SWT1: variants seen among roughly 807,000 people sequenced by gnomAD.
The protein encoded by SWT1 is SWT1 RNA endoribonuclease homolog.
In SWT1, 33 loss-of-function variants were observed where a neutral mutation model predicts 107.3. The observed-to-expected ratio is 0.31, with a 90% CI of 0.23 to 0.41. The LOEUF (loss-of-function observed/expected upper bound fraction) is 0.41, where lower values mean the gene tolerates loss of function less well. SWT1 is among the 10% of genes least tolerant of loss of function. The pLI, the probability that SWT1 is intolerant of heterozygous loss-of-function variation, is 1.00. For synonymous variants in SWT1, 345 were observed against 348.3 expected (o/e 0.99, Z 0.11); for missense variants, 898 against 1,028.9 (o/e 0.87, Z 1.74).
At chr1:185,182,668 C>CAAAAAAAAAAAAAAAAAAAA (rs59326029) in intron 7 of SWT1, among the ~76,000 whole-genome samples, 1 of 67,022 alleles carries the variant, frequency 1.5e-5, no homozygotes, top group Non-Finnish European at 2.8e-5. Flanking sequence ...CTCTCTCTCT[C>CAAAAAAAAAAAAAAAAAAAA]AAAAAAAAAA....
chr1:185,241,328 C>G (rs1661242194), intron 16 of SWT1, among the ~76,000 whole-genome samples: 1 of 152,084 alleles, frequency 6.6e-6, no homozygotes, highest in Non-Finnish European at 1.5e-5. Context: ...GACCTACTTT[C>G]TTTGAGGCTT....
At chr1:185,251,410 A>C (rs1274228933) in intron 16 of SWT1, 1 of 152,472 alleles carries the variant, frequency 6.6e-6, no homozygotes, top group Non-Finnish European at 1.5e-5. Context: ...CTTTAGCCTA[A>C]AGAAAAAAAT....
intron 16 of SWT1, among the ~76,000 whole-genome samples, chr1:185,261,359 A>G (rs1050821770): frequency 7.2e-5 from 11 of 152,110 alleles, no homozygotes; most frequent in Non-Finnish European, 1.3e-4. Context: ...AAAGCATAAT[A>G]TATTCCATTA....
rs1654509648 is a variant in SWT1 at position 185,165,683 on chromosome 1, C to T, written c.85-889C>T. Among the ~76,000 whole-genome samples the T allele has an allele frequency of 2.6e-5, 4 of 152,310 alleles. No individual in the cohort carries two copies. The South Asian group carries it at 8.3e-4, about 32-fold the overall frequency. Reference sequence around the variant, plus strand: ...TTCATCCAGAATAAAAGCCAAAATCCTTACCAGGGTTGACAAAGCCACCTC... The same window carrying T: ...TTCATCCAGAATAAAAGCCAAAATCTTTACCAGGGTTGACAAAGCCACCTC... On this transcript the variant is annotated intron_variant, in intron 2 of 18. Coordinates refer to ENST00000367500, the MANE Select transcript of SWT1 (RefSeq NM_017673.7).
intron 10 of SWT1, among the ~76,000 whole-genome samples, chr1:185,202,074 C>A (rs908592470): frequency 6.6e-6 from 1 of 152,148 alleles, no homozygotes; most frequent in African/African-American, 2.4e-5. Flanking sequence ...CAGATACGAT[C>A]ATGTCATTTT....
chr1:185,195,598 A>G (rs866384566), intron 10 of SWT1, among the ~76,000 whole-genome samples: 195 of 152,236 alleles, frequency 1.3e-3, no homozygotes, highest in African/African-American at 4.4e-3. Context: ...TGGTGAACTA[A>G]TTTACACTCC....
intron 7 of SWT1, among the ~76,000 whole-genome samples, chr1:185,182,668 C>CAAAAA (rs59326029): frequency 1.9e-4 from 13 of 67,016 alleles, no homozygotes; most frequent in African/African-American, 2.2e-4. Flanking sequence ...CTCTCTCTCT[C>CAAAAA]AAAAAAAAAA....
chr1:185,222,762 CAAAAAAAAAAA>C (rs59515070), intron 15 of SWT1, among the ~76,000 whole-genome samples: 16 of 36,096 alleles, frequency 4.4e-4, no homozygotes, highest in Non-Finnish European at 8.2e-4. Context: ...GACGCCATCT[CAAAAAAAAAAA>C]AAAAAAAAAA....
At chr1:185,257,484 T>C (rs1452601692) in intron 16 of SWT1, among the ~76,000 whole-genome samples, 3 of 152,064 alleles carry the variant, frequency 2.0e-5, no homozygotes, top group African/African-American at 7.2e-5. Context: ...AATCTCGTGG[T>C]GCGCCGTTTT....
chr1:185,188,901 C>G (rs1656714661), intron 9 of SWT1, among the ~76,000 whole-genome samples: 1 of 152,120 alleles, frequency 6.6e-6, no homozygotes, highest in African/African-American at 2.4e-5. Flanking sequence ...CTAGGGAGTT[C>G]TCAGGTAGGT....
intron 17 of SWT1, among the ~76,000 whole-genome samples, chr1:185,275,867 C>A (rs1664206809): frequency 6.6e-6 from 1 of 152,086 alleles, no homozygotes; most frequent in African/African-American, 2.4e-5. Context: ...TAGGGGGTAT[C>A]ATTCTTCCCC....
At chr1:185,220,452 A>G (rs534632735) in intron 14 of SWT1, among the ~76,000 whole-genome samples, 1 of 151,656 alleles carries the variant, frequency 6.6e-6, no homozygotes, top group Non-Finnish European at 1.5e-5. Flanking sequence ...CTTTCCTGAA[A>G]CCTGACTCCC....
intron 15 of SWT1, among the ~76,000 whole-genome samples, chr1:185,223,497 C>T (rs1300307873): frequency 2.0e-5 from 3 of 152,094 alleles, no homozygotes; most frequent in African/African-American, 7.2e-5. Context: ...TTTCTTCTTT[C>T]TGATAATAGC....
chr1:185,196,242 T>A (rs766368098), intron 10 of SWT1, among the ~76,000 whole-genome samples: 3 of 152,202 alleles, frequency 2.0e-5, no homozygotes, highest in Non-Finnish European at 4.4e-5. Context: ...CCATTTATTA[T>A]ATAGGGAATC....
At position 185,210,781 on chromosome 1, in the gene SWT1, G is replaced by A. The variant is rs192655135; in HGVS notation, c.1973-3726G>A. Among the ~76,000 whole-genome samples, 181 of 152,158 alleles carry A rather than the reference G, an allele frequency of 1.2e-3. 2 individuals carry two copies. In the South Asian group the frequency reaches 0.022, roughly 19 times the overall value. ...TGTCTCTGTTGCAGATGACGTGATC[G>A]ATATTTGGAAAACCCCATCATCTCA... On this transcript the variant is annotated intron_variant, in intron 13 of 18. Transcript: ENST00000367500.
chr1:185,224,633 G>C (rs979860139), intron 15 of SWT1, among the ~76,000 whole-genome samples: 1 of 151,972 alleles, frequency 6.6e-6, no homozygotes, highest in African/African-American at 2.4e-5. Flanking sequence ...TCCATTTATT[G>C]TATCCCCTTC....
chr1:185,180,296 G>A (rs1571430417), intron 5 of SWT1, 95 bp from the exon 6 acceptor site: 1 of 983,428 alleles, frequency 1.0e-6, no homozygotes, highest in Admixed American at 1.8e-5. Flanking sequence ...CCCCTAAAGT[G>A]AATTATCTGA....
At chr1:185,237,370 C>A (rs1039019448) in intron 16 of SWT1, among the ~76,000 whole-genome samples, 2 of 152,102 alleles carry the variant, frequency 1.3e-5, no homozygotes, top group Admixed American at 6.5e-5. Context: ...ACTATACAGC[C>A]ATAAAAAAGG....
intron 14 of SWT1, 92 bp from the exon 15 acceptor site, chr1:185,221,757 A>G: frequency 1.2e-6 from 1 of 830,698 alleles, no homozygotes; most frequent in Non-Finnish European, 1.8e-6. Flanking sequence ...CTTCTCAGAA[A>G]GCTAGAACAT....
Sources: allele counts gnomAD v4.1 joint callset (sites outside exome capture counted in the v4.1 genomes callset), GRCh38; gene constraint gnomAD v4.1.1; transcripts MANE v1.5; gene names NCBI Gene and HGNC (gene_info 2026-07-23, HGNC 2026-07-21).